The following STK32A variants were observed in gnomAD, a reference collection of about 807,000 sequenced individuals.
The protein encoded by STK32A is serine/threonine-protein kinase 32A.
Under a neutral mutation model 53.2 loss-of-function variants are expected in STK32A, and 41 were observed. The ratio of observed to expected loss-of-function variants is 0.77; its 90% CI spans 0.60 to 1.00. The LOEUF is 1.00. Ranked by LOEUF, STK32A falls within the 50% of genes least tolerant of loss-of-function variation. STK32A has a pLI of 0.00. For synonymous variants in STK32A, 166 were observed against 162.8 expected, an observed-to-expected ratio of 1.02 and a Z score of -0.15; for missense variants, 458 against 485.8, an observed-to-expected ratio of 0.94 and a Z score of 0.54.
Position 147,383,834 on chromosome 5 carries a change from C to A in STK32A, c.1098-56C>A, listed in dbSNP as rs1008817666. On this transcript the variant is annotated intron_variant, in intron 12 of 12. Coordinates refer to ENST00000397936, the MANE Select transcript of STK32A (RefSeq NM_001112724.2). ...CTTAATATTATTTCAAAAGCTTAAA[C>A]CTTTCATTTTATTTTTCAAAGAATA... 7 of 1,325,794 alleles carry A rather than the reference C, an allele frequency of 5.3e-6. No individual in the cohort carries two copies. In the Admixed American group the frequency reaches 1.3e-4, roughly 25 times the overall value. 82.1% of individuals were successfully genotyped at this position (1,325,794 alleles called of 1,614,324 possible). A position where few individuals can be genotyped will look rare whatever the true frequency, so the allele number is the denominator to read the frequency against.
intron 7 of STK32A, among the ~76,000 whole-genome samples, chr5:147,351,631 G>T (rs1394147419): frequency 2.0e-5 from 3 of 152,074 alleles, no homozygotes; most frequent in Non-Finnish European, 4.4e-5. Context: ...GGCAGATCAT[G>T]AGGTCAAAAG....
intron 4 of STK32A, among the ~76,000 whole-genome samples, chr5:147,317,323 CTTT>C (rs3064294): frequency 2.5e-5 from 2 of 81,310 alleles, no homozygotes; most frequent in Admixed American, 2.0e-4. Context: ...CTTTTTCTTT[CTTT>C]TTTTTTTTTT....
chr5:147,286,811 A>G (rs1214493219), intron 4 of STK32A, among the ~76,000 whole-genome samples: 1 of 152,074 alleles, frequency 6.6e-6, no homozygotes, highest in Non-Finnish European at 1.5e-5. Flanking sequence ...AGGTCAATAT[A>G]TATATATTTT....
chr5:147,355,660 AGAGC>A (rs1434279677), intron 7 of STK32A, among the ~76,000 whole-genome samples: 3 of 152,140 alleles, frequency 2.0e-5, no homozygotes, highest in Admixed American at 6.5e-5. Context: ...GCTGGGCGAC[AGAGC>A]GAGATTCCGT....
At chr5:147,320,940 T>C (rs1243485232) in intron 4 of STK32A, among the ~76,000 whole-genome samples, 2 of 152,148 alleles carry the variant, frequency 1.3e-5, no homozygotes, top group Non-Finnish European at 2.9e-5. Flanking sequence ...CTGGATGACA[T>C]GATAAAACTC....
intron 2 of STK32A, among the ~76,000 whole-genome samples, chr5:147,243,748 C>G (rs556892504): frequency 1.8e-5 from 2 of 108,564 alleles, no homozygotes; most frequent in Non-Finnish European, 4.1e-5. Flanking sequence ...CAAAAAAAAA[C>G]GGCTTGCTTA....
intron 4 of STK32A, among the ~76,000 whole-genome samples, chr5:147,321,987 C>T (rs755785649): frequency 5.9e-5 from 9 of 152,188 alleles, no homozygotes; most frequent in South Asian, 2.1e-4. Flanking sequence ...CTTACCTTAG[C>T]GGAGAACAGC....
intron 11 of STK32A, among the ~76,000 whole-genome samples, chr5:147,379,921 A>G (rs1430207609): frequency 6.6e-6 from 1 of 151,886 alleles, no homozygotes; most frequent in African/African-American, 2.4e-5. Context: ...CCCTCATTTC[A>G]TATTCTCTTT....
chr5:147,291,754 T>A (rs1752610539), intron 4 of STK32A, among the ~76,000 whole-genome samples: 1 of 152,062 alleles, frequency 6.6e-6, no homozygotes, highest in South Asian at 2.1e-4. Flanking sequence ...TAAAAACAGG[T>A]GTGCTATAAT....
At chr5:147,395,610 G>T in the STK32A span, 1 of 1,613,874 alleles carries the variant, frequency 6.2e-7, no homozygotes, top group Admixed American at 1.7e-5. Context: ...GGGTTCGGCC[G>T]AGTAGGAGAG....
intron 2 of STK32A, among the ~76,000 whole-genome samples, chr5:147,253,609 G>A (rs1390551429): frequency 1.3e-5 from 2 of 152,162 alleles, no homozygotes; most frequent in Non-Finnish European, 2.9e-5. Context: ...ACCCACCTCA[G>A]CCTCTCAAGG....
At chr5:147,401,815 G>C in the STK32A span, 1 of 1,255,174 alleles carries the variant, frequency 8.0e-7, no homozygotes. Context: ...AGACTGACCT[G>C]GGTTCAAGTC....
intron 2 of STK32A, among the ~76,000 whole-genome samples, chr5:147,272,829 G>C (rs11749030): frequency 0.095 from 14,401 of 152,214 alleles, 726 homozygotes; most frequent in Middle Eastern, 0.15. Context: ...TTTACAGACA[G>C]AGACATTGTT....
At chr5:147,293,441 C>A (rs1161648207) in intron 4 of STK32A, among the ~76,000 whole-genome samples, 2 of 130,442 alleles carry the variant, frequency 1.5e-5, no homozygotes, top group East Asian at 2.3e-4. Context: ...CTCTCTGTAA[C>A]TTCTAGGGGA....
At chr5:147,371,394 C>CA (rs1756998428) in intron 9 of STK32A, among the ~76,000 whole-genome samples, 2 of 152,168 alleles carry the variant, frequency 1.3e-5, no homozygotes, top group Admixed American at 1.3e-4. Context: ...TTTGTCCCCC[C>CA]TTTGACTACA....
chr5:147,328,617 A>G (rs1238614044), intron 5 of STK32A, among the ~76,000 whole-genome samples: 1 of 152,146 alleles, frequency 6.6e-6, no homozygotes, highest in Non-Finnish European at 1.5e-5. Flanking sequence ...TTGAAGTATA[A>G]TATTCTCTTT....
downstream of STK32A, among the ~76,000 whole-genome samples, chr5:147,390,331 T>C (rs1319263038): frequency 6.6e-6 from 1 of 152,176 alleles, no homozygotes; most frequent in Non-Finnish European, 1.5e-5. Context: ...AATGCTTCCG[T>C]ACACTGATTT....
At chr5:147,354,375 G>T (rs755259778) in intron 7 of STK32A, among the ~76,000 whole-genome samples, 1 of 152,154 alleles carries the variant, frequency 6.6e-6, no homozygotes, top group Admixed American at 6.5e-5. Context: ...GGTTTCCATG[G>T]TGAGAGAAGT....
chr5:147,263,432 A>G (rs1018138087), intron 2 of STK32A, among the ~76,000 whole-genome samples: 1 of 152,206 alleles, frequency 6.6e-6, no homozygotes, highest in Non-Finnish European at 1.5e-5. Context: ...GAAGCCCTCT[A>G]ATATGACTGA....
Sources: gnomAD v4.1 joint callset for allele counts (sites outside exome capture counted in the v4.1 genomes callset) on GRCh38, gnomAD v4.1.1 for gene constraint, MANE v1.5 for transcripts, NCBI Gene and HGNC (gene_info 2026-07-23, HGNC 2026-07-21) for gene names.